PCP4: variants seen among roughly 807,000 people sequenced by gnomAD.
The protein encoded by PCP4 is calmodulin regulator protein PCP4.
In PCP4, 8 loss-of-function variants were observed where a neutral mutation model predicts 10.0. That is an observed-to-expected ratio of 0.80 (90% CI 0.47 to 1.45). The LOEUF (loss-of-function observed/expected upper bound fraction) is 1.45. Among genes scored for constraint, PCP4 ranks in the 40% most tolerant of loss-of-function variants. The pLI, the probability that PCP4 is intolerant of heterozygous loss-of-function variation, is 0.00. For missense variants in PCP4, 54 were observed against 74.4 expected (o/e 0.73, Z 1.01); for synonymous variants, 21 against 23.0 (o/e 0.91, Z 0.24).
rs1283805565 is a variant in PCP4 at position 39,929,021 on chromosome 21, C to T, written c.99C>T (p.Asp33=). 26 of 1,613,034 alleles carry T rather than the reference C, an allele frequency of 1.6e-5. No homozygotes were observed. Among genetic ancestry groups the T allele is most frequent in the Non-Finnish European group, 2.0e-5 (24 of 1,179,460 alleles). The change falls in exon 3 of 3, where the codon GAC becomes GAT. Residue 33 remains aspartate, a synonymous_variant. Transcript: ENST00000328619. ...AAGTTCAAGAAGAATTTGACATTGA[C>T]ATGGATGCACCAGAGACAGAACGTG... is the stretch of plus-strand genomic sequence containing the variant. ...QKKVQEEFDI[D]MDAPETERAA...
At chr21:39,910,483 A>G (rs1177068487) in intron 2 of PCP4, among the ~76,000 whole-genome samples, 5 of 152,316 alleles carry the variant, frequency 3.3e-5, no homozygotes, top group Admixed American at 2.6e-4. Flanking sequence ...CATTAAAAAA[A>G]AAAGTGTTTT....
intron 2 of PCP4, among the ~76,000 whole-genome samples, chr21:39,928,646 G>A (rs2087636184): frequency 6.6e-6 from 1 of 152,276 alleles, no homozygotes; most frequent in Non-Finnish European, 1.5e-5. Context: ...ATATTAAATG[G>A]TACCTCTGTG....
chr21:39,901,705 T>G (rs1306532968), intron 2 of PCP4, among the ~76,000 whole-genome samples: 1 of 152,226 alleles, frequency 6.6e-6, no homozygotes, highest in East Asian at 1.9e-4. Flanking sequence ...TAGTCACTTT[T>G]GGGTAGAAAA....
At chr21:39,913,391 C>T (rs1352707454) in intron 2 of PCP4, among the ~76,000 whole-genome samples, 3 of 152,152 alleles carry the variant, frequency 2.0e-5, no homozygotes, top group Admixed American at 6.6e-5. Context: ...AATCAGCACC[C>T]ATCTTTGTTT....
intron 1 of PCP4, among the ~76,000 whole-genome samples, chr21:39,888,536 C>A (rs571751449): frequency 6.6e-6 from 1 of 152,300 alleles, no homozygotes; most frequent in South Asian, 2.1e-4. Context: ...TGAGGAATTT[C>A]TCCAGTGATA....
chr21:39,918,014 A>T (rs1215820436), intron 2 of PCP4, among the ~76,000 whole-genome samples: 1 of 152,082 alleles, frequency 6.6e-6, no homozygotes, highest in Non-Finnish European at 1.5e-5. Flanking sequence ...GCCAGGAGAG[A>T]GGTCTTAGGA....
intron 2 of PCP4, among the ~76,000 whole-genome samples, chr21:39,905,710 A>G (rs1453768103): frequency 6.6e-6 from 1 of 152,128 alleles, no homozygotes; most frequent in Non-Finnish European, 1.5e-5. Flanking sequence ...GGAGATTCCT[A>G]CCCATCTCTA....
chr21:39,923,425 G>A (rs2087606343), intron 2 of PCP4, among the ~76,000 whole-genome samples: 1 of 152,216 alleles, frequency 6.6e-6, no homozygotes, highest in Non-Finnish European at 1.5e-5. Context: ...GATTGATGGA[G>A]AGCCCACTAT....
intron 2 of PCP4, chr21:39,926,167 A>G (rs1459696320): frequency 1.2e-5 from 5 of 407,198 alleles, no homozygotes; most frequent in Non-Finnish European, 2.5e-5. Context: ...TCTGAAGTAT[A>G]CAGAAAAGTA....
At chr21:39,914,753 T>C (rs2087560563) in intron 2 of PCP4, among the ~76,000 whole-genome samples, 1 of 152,128 alleles carries the variant, frequency 6.6e-6, no homozygotes, top group African/African-American at 2.4e-5. Context: ...TGACTTTTTT[T>C]CTATTTAAAA....
rs528084003 is a variant in PCP4 at position 39,911,786 on chromosome 21, G to A, written c.61+13259G>A. 8.3e-4 allele frequency among the ~76,000 whole-genome samples: 126 copies of A among 152,322 alleles called. 5 individuals are homozygous for A. The South Asian group carries it at 0.026, about 31-fold the overall frequency. ...TGGCTGTGTGTGGAAGAGTTGAACC[G>A]TAGTTTTGAAATTATAATCCAGACT... On this transcript the variant is annotated intron_variant, in intron 2 of 2. Coordinates refer to ENST00000328619, the MANE Select transcript of PCP4 (RefSeq NM_006198.3).
At chr21:39,870,945 A>G (rs2087316700) in intron 1 of PCP4, among the ~76,000 whole-genome samples, 1 of 152,206 alleles carries the variant, frequency 6.6e-6, no homozygotes, top group Non-Finnish European at 1.5e-5. Context: ...GGCGATGCCC[A>G]TCAAAGGCAT....
At chr21:39,897,303 G>A (rs2146336900) in intron 1 of PCP4, among the ~76,000 whole-genome samples, 1 of 150,872 alleles carries the variant, frequency 6.6e-6, no homozygotes. Flanking sequence ...TAGGAGAATA[G>A]CTTGAACCTG....
At chr21:39,887,989 T>A (rs1035211479) in intron 1 of PCP4, among the ~76,000 whole-genome samples, 2 of 152,228 alleles carry the variant, frequency 1.3e-5, no homozygotes, top group African/African-American at 4.8e-5. Flanking sequence ...ACCAAAGATA[T>A]GCGGATTCGT....
At chr21:39,927,898 A>G (rs571358712) in intron 2 of PCP4, among the ~76,000 whole-genome samples, 1 of 152,064 alleles carries the variant, frequency 6.6e-6, no homozygotes, top group Non-Finnish European at 1.5e-5. Flanking sequence ...CACCCTTCCC[A>G]CTGCGGCTGT....
chr21:39,870,961 G>GA (rs963579588), intron 1 of PCP4, among the ~76,000 whole-genome samples: 61 of 152,316 alleles, frequency 4.0e-4, no homozygotes, highest in African/African-American at 1.4e-3. Context: ...GGCATGGTTT[G>GA]AAAAACATCA....
chr21:39,869,533 C>T (rs973898806), intron 1 of PCP4, among the ~76,000 whole-genome samples: 17 of 152,178 alleles, frequency 1.1e-4, no homozygotes, highest in African/African-American at 4.1e-4. Context: ...AAACCCCTCC[C>T]AGCTCTCTGC....
At chr21:39,917,644 C>A (rs1212698733) in intron 2 of PCP4, among the ~76,000 whole-genome samples, 3 of 152,196 alleles carry the variant, frequency 2.0e-5, no homozygotes, top group Non-Finnish European at 4.4e-5. Context: ...GAAGGCAAAT[C>A]TGACCACAGT....
intron 2 of PCP4, among the ~76,000 whole-genome samples, chr21:39,908,666 G>T (rs1314045317): frequency 2.0e-5 from 3 of 152,054 alleles, no homozygotes; most frequent in Non-Finnish European, 2.9e-5. Flanking sequence ...CAGCTGCCTC[G>T]GCCCAAAGGA....
Sources: gnomAD v4.1 joint callset for allele counts (sites outside exome capture counted in the v4.1 genomes callset) on GRCh38, gnomAD v4.1.1 for gene constraint, MANE v1.5 for transcripts, NCBI Gene and HGNC (gene_info 2026-07-23, HGNC 2026-07-21) for gene names.